ABHD17C: variants seen among roughly 807,000 people sequenced by gnomAD.
ABHD17C encodes alpha/beta hydrolase domain-containing protein 17C.
Under a neutral mutation model 27.9 loss-of-function variants are expected in ABHD17C, and 11 were observed. The observed-to-expected ratio is 0.39, with a 90% CI of 0.25 to 0.65. ABHD17C has a LOEUF of 0.65. Among genes scored for constraint, ABHD17C ranks in the 30% least tolerant of loss-of-function variants. The pLI is 0.45. For missense variants in ABHD17C, 280 were observed against 470.2 expected (o/e 0.60, Z 3.74); for synonymous variants, 233 against 209.1 (o/e 1.11, Z -0.98).
At chr15:80,740,651 A>G (rs573182645) in intron 1 of ABHD17C, among the ~76,000 whole-genome samples, 5 of 152,218 alleles carry the variant, frequency 3.3e-5, no homozygotes, top group Middle Eastern at 3.4e-3. Context: ...TGGTTCTTCT[A>G]CCGCCTCAGC....
intron 1 of ABHD17C, among the ~76,000 whole-genome samples, chr15:80,712,694 T>G (rs1445374916): frequency 1.3e-5 from 2 of 152,248 alleles, no homozygotes; most frequent in Non-Finnish European, 2.9e-5. Flanking sequence ...CATTCTAATA[T>G]GTTTTTATAA....
chr15:80,701,545 G>A (rs780870590), intron 1 of ABHD17C, among the ~76,000 whole-genome samples: 6 of 151,904 alleles, frequency 3.9e-5, no homozygotes, highest in Non-Finnish European at 5.9e-5. Context: ...TGGTCGTGGT[G>A]GCAGGCACCT....
At chr15:80,728,961 A>G (rs7170207) in intron 1 of ABHD17C, among the ~76,000 whole-genome samples, 30,631 of 152,164 alleles carry the variant, frequency 0.2, 4,256 homozygotes, top group African/African-American at 0.39. Context: ...TTGATGAGAC[A>G]CGTGAGTGCC....
chr15:80,695,316 C>A lies in ABHD17C; in HGVS notation c.-114C>A. 1 of 630,292 alleles carries A rather than the reference C, an allele frequency of 1.6e-6. No homozygotes were observed. Among genetic ancestry groups the A allele is most frequent in the Non-Finnish European group, 2.1e-6 (1 of 485,350 alleles). The allele number at this position is 630,292 out of a possible 1,614,324, so 39.0% of individuals were successfully genotyped here. A position where few individuals can be genotyped will look rare whatever the true frequency, so the allele number is the denominator to read the frequency against. On this transcript the variant is annotated 5_prime_UTR_variant, in exon 1 of 3. Coordinates refer to ENST00000258884, the MANE Select transcript of ABHD17C (RefSeq NM_021214.2). This position sits in a 1 kb window ranked among gnomAD's most constrained non-coding sequence, Gnocchi z 4.3. ...CTCCTGCCGCCGGGCGGGCGGGCTG[C>A]AGCCGCCCTCCGCGCTCGCCTGCCA...
At chr15:80,719,900 C>A (rs1330153598) in intron 1 of ABHD17C, among the ~76,000 whole-genome samples, 2 of 152,154 alleles carry the variant, frequency 1.3e-5, no homozygotes, top group Non-Finnish European at 2.9e-5. Context: ...CAGGCTCCAA[C>A]AATCCTCCCA....
intron 1 of ABHD17C, among the ~76,000 whole-genome samples, chr15:80,700,708 G>A (rs1427896782): frequency 6.6e-6 from 1 of 152,014 alleles, no homozygotes; most frequent in Non-Finnish European, 1.5e-5. Flanking sequence ...GACCAGCCTG[G>A]GCAACATAGT....
intron 1 of ABHD17C, chr15:80,702,950 C>T (rs1017882745): frequency 6.6e-6 from 1 of 152,152 alleles, no homozygotes; most frequent in East Asian, 1.9e-4. Context: ...TCTAGCACTC[C>T]CACTAATTCA....
intron 1 of ABHD17C, among the ~76,000 whole-genome samples, chr15:80,732,980 A>C (rs536129005): frequency 5.1e-4 from 77 of 152,208 alleles, no homozygotes; most frequent in African/African-American, 1.8e-3. Flanking sequence ...AGTGCAGGAG[A>C]GAGGATTAAG....
chr15:80,725,540 T>C (rs192726288), intron 1 of ABHD17C, among the ~76,000 whole-genome samples: 14 of 152,326 alleles, frequency 9.2e-5, no homozygotes, highest in African/African-American at 3.1e-4. Context: ...AGAGACAGGG[T>C]CTCACTCTGT....
chr15:80,723,337 A>G (rs1018916607), intron 1 of ABHD17C, among the ~76,000 whole-genome samples: 1 of 152,176 alleles, frequency 6.6e-6, no homozygotes, highest in Admixed American at 6.5e-5. Context: ...AGAAGTTGCT[A>G]TTAATGAAGC....
intron 1 of ABHD17C, among the ~76,000 whole-genome samples, chr15:80,715,838 T>A (rs1015021276): frequency 6.6e-6 from 1 of 152,202 alleles, no homozygotes; most frequent in Non-Finnish European, 1.5e-5. Context: ...TTTTTGTCAT[T>A]CGCTTTGTAA....
intron 1 of ABHD17C, among the ~76,000 whole-genome samples, chr15:80,708,012 C>T (rs533567671): frequency 2.0e-5 from 3 of 152,272 alleles, no homozygotes; most frequent in South Asian, 2.1e-4. Flanking sequence ...CCTCTGGCTG[C>T]GGCCACGGGA....
At chr15:80,751,865 T>C (rs1895370760) in intron 2 of ABHD17C, among the ~76,000 whole-genome samples, 2 of 152,280 alleles carry the variant, frequency 1.3e-5, no homozygotes, top group African/African-American at 4.8e-5. Context: ...AATGGTTGCA[T>C]TGACTTTCAT....
chr15:80,731,138 C>T (rs1895052258), intron 1 of ABHD17C, among the ~76,000 whole-genome samples: 2 of 152,152 alleles, frequency 1.3e-5, no homozygotes, highest in African/African-American at 4.8e-5. Flanking sequence ...ACGCAGAACC[C>T]CAAATCCCAT....
intron 1 of ABHD17C, among the ~76,000 whole-genome samples, chr15:80,719,518 A>G (rs1382808352): frequency 1.3e-5 from 2 of 152,242 alleles, no homozygotes; most frequent in African/African-American, 4.8e-5. Flanking sequence ...TGGTAGTCAC[A>G]AGTGACTTTC....
chr15:80,747,629 A>AT (rs759975103), intron 1 of ABHD17C, among the ~76,000 whole-genome samples: 14 of 152,080 alleles, frequency 9.2e-5, no homozygotes, highest in Non-Finnish European at 2.1e-4. Flanking sequence ...CATGCTGACC[A>AT]TTTTTTAGTA....
At chr15:80,741,572 T>C (rs1232950558) in intron 1 of ABHD17C, among the ~76,000 whole-genome samples, 1 of 152,158 alleles carries the variant, frequency 6.6e-6, no homozygotes, top group Non-Finnish European at 1.5e-5. Context: ...TCAGCAGCAG[T>C]TGTCTCTTTT....
At chr15:80,713,935 CACACAT>C (rs1317162390) in intron 1 of ABHD17C, among the ~76,000 whole-genome samples, 175 of 143,264 alleles carry the variant, frequency 1.2e-3, no homozygotes, top group African/African-American at 2.8e-3. Flanking sequence ...CACACACACA[CACACAT>C]ATATTTATTT....
At position 80,741,628 on chromosome 15, in the gene ABHD17C, C is replaced by T. The variant is rs185989651; in HGVS notation, c.591-7885C>T. 3.9e-4 allele frequency among the ~76,000 whole-genome samples: 59 copies of T among 152,264 alleles called. 1 individual carries two copies. The highest frequency in any genetic ancestry group is 9.1e-4 in the African/African-American group (38 of 41,554). On this transcript the variant is annotated intron_variant, in intron 1 of 2. Transcript: ENST00000258884. ...CTATTCACTTAAAGGAAGCCCTGTA[C>T]GTGCAGCAAAATTAGCACAATTTTT... is the stretch of plus-strand genomic sequence containing the variant.
Sources: allele counts gnomAD v4.1 joint callset (sites outside exome capture counted in the v4.1 genomes callset), GRCh38; gene constraint gnomAD v4.1.1; non-coding constraint Gnocchi (gnomAD v3.1); transcripts MANE v1.5; gene names NCBI Gene and HGNC (gene_info 2026-07-23, HGNC 2026-07-21).